The following OR9Q1 variants were observed in gnomAD, a reference collection of about 807,000 sequenced individuals.
OR9Q1 encodes olfactory receptor family 9 subfamily Q member 1.
For missense variants in OR9Q1, 374 were observed against 378.8 expected, an observed-to-expected ratio of 0.99 and a Z score of 0.11; for synonymous variants, 153 against 148.6, an observed-to-expected ratio of 1.03 and a Z score of -0.22.
intron 2 of OR9Q1, among the ~76,000 whole-genome samples, chr11:58,166,770 G>A (rs1854509271): frequency 6.6e-6 from 1 of 152,192 alleles, no homozygotes; most frequent in African/African-American, 2.4e-5. Context: ...GGAAAGAAAT[G>A]AAGTCGGAAC....
intron 1 of OR9Q1, among the ~76,000 whole-genome samples, chr11:58,029,843 CTT>C (rs58928895): frequency 1.2e-3 from 165 of 139,056 alleles, no homozygotes; most frequent in Middle Eastern, 3.8e-3. Flanking sequence ...CTGCCTCCTC[CTT>C]TTTTTTTTTT....
At chr11:58,165,953 AG>A (rs1365891605) in intron 2 of OR9Q1, among the ~76,000 whole-genome samples, 1 of 152,208 alleles carries the variant, frequency 6.6e-6, no homozygotes, top group African/African-American at 2.4e-5. Flanking sequence ...ACTGCTACCC[AG>A]GTTTCTCTAC....
At chr11:58,127,904 C>T (rs964184044) in intron 2 of OR9Q1, among the ~76,000 whole-genome samples, 3 of 152,144 alleles carry the variant, frequency 2.0e-5, no homozygotes, top group African/African-American at 7.2e-5. Context: ...ATTTCTGAAG[C>T]AAGTCTTGCC....
At chr11:58,138,701 TC>T (rs1354488494) in intron 2 of OR9Q1, among the ~76,000 whole-genome samples, 1 of 152,234 alleles carries the variant, frequency 6.6e-6, no homozygotes, top group Non-Finnish European at 1.5e-5. Context: ...TGTGATGCTT[TC>T]ATAAATGTGT....
At chr11:58,092,121 A>T (rs190497729) in intron 2 of OR9Q1, among the ~76,000 whole-genome samples, 10 of 152,192 alleles carry the variant, frequency 6.6e-5, no homozygotes, top group African/African-American at 2.4e-4. Flanking sequence ...GTGTCTCTTA[A>T]TTGGGGCATT....
At position 58,180,368 on chromosome 11, in the gene OR9Q1, G is replaced by A; in HGVS notation, c.924G>A (p.Lys308=). The stretch of plus-strand genomic sequence containing the variant: ...TGAGAAAAATTCTCAATAGAGCCAA[G>A]TTGTCCTAACCATCTCCAAACTTGG... ...EALRKILNRA[K]LS is the part of the protein sequence containing the mutation. The change falls in exon 3 of 3, where the codon AAG becomes AAA. Residue 308 remains lysine, a synonymous_variant. Transcript: ENST00000335397. 1.3e-6 allele frequency: 2 copies of A among 1,582,700 alleles called. No homozygotes were observed. The highest frequency in any genetic ancestry group is 8.6e-7 in the Non-Finnish European group (1 of 1,161,862).
intron 2 of OR9Q1, among the ~76,000 whole-genome samples, chr11:58,070,830 G>A (rs1853480741): frequency 6.6e-6 from 1 of 152,190 alleles, no homozygotes. Context: ...TGGACAGTAG[G>A]TTACTTTGTT....
intron 2 of OR9Q1, among the ~76,000 whole-genome samples, chr11:58,166,097 T>C (rs1051710020): frequency 1.1e-4 from 16 of 152,204 alleles, no homozygotes; most frequent in African/African-American, 3.4e-4. Flanking sequence ...TTTATTGCAA[T>C]AGATGGGATC....
chr11:58,141,625 G>A (rs868020788), intron 2 of OR9Q1, among the ~76,000 whole-genome samples: 5 of 152,082 alleles, frequency 3.3e-5, no homozygotes, highest in East Asian at 1.9e-4. Flanking sequence ...GTTTGCCAGT[G>A]TTTTATTGAG....
intron 2 of OR9Q1, among the ~76,000 whole-genome samples, chr11:58,089,272 G>A (rs1362522941): frequency 6.6e-6 from 1 of 151,746 alleles, no homozygotes; most frequent in African/African-American, 2.4e-5. Flanking sequence ...GGTTTTTATG[G>A]TTTTGGGTTT....
intron 2 of OR9Q1, among the ~76,000 whole-genome samples, chr11:58,175,249 C>G (rs1476668161): frequency 6.6e-6 from 1 of 151,626 alleles, no homozygotes. Context: ...AAAAGATTTT[C>G]TCAGTGGAGA....
Position 58,031,867 on chromosome 11 carries a change from G to T in OR9Q1, c.-93+7763G>T, listed in dbSNP as rs541487535. 213 of 1,613,562 alleles carry T rather than the reference G, an allele frequency of 1.3e-4. 1 individual carries two copies. Among genetic ancestry groups the T allele is most frequent in the South Asian group, 1.1e-3 (102 of 91,042 alleles). On this transcript the variant is annotated intron_variant, in intron 1 of 2. Coordinates refer to ENST00000335397, the MANE Select transcript of OR9Q1 (RefSeq NM_001005212.4). Reference sequence around the variant, plus strand: ...GGAACAAGGAAGTGAAGGGAGCTCTGGGTCGAGTCTTTTCTCTCAACTTTT... The same window carrying T: ...GGAACAAGGAAGTGAAGGGAGCTCTTGGTCGAGTCTTTTCTCTCAACTTTT...
chr11:58,025,446 C>T (rs1170652566), intron 1 of OR9Q1, among the ~76,000 whole-genome samples: 2 of 152,186 alleles, frequency 1.3e-5, no homozygotes, highest in African/African-American at 2.4e-5. Context: ...GTGATCCGCC[C>T]GCTCAGCCTC....
intron 2 of OR9Q1, among the ~76,000 whole-genome samples, chr11:58,082,736 TAAAGTATAA>T (rs1192733748): frequency 1.1e-5 from 1 of 94,860 alleles, no homozygotes; most frequent in Non-Finnish European, 2.3e-5. Context: ...CCCTAAAACT[TAAAGTATAA>T]TAATAATAAT....
chr11:58,131,022 G>A (rs1854136020), intron 2 of OR9Q1, among the ~76,000 whole-genome samples: 1 of 152,084 alleles, frequency 6.6e-6, no homozygotes, highest in African/African-American at 2.4e-5. Context: ...AAATTACTTT[G>A]GTGCGGTAGG....
intron 2 of OR9Q1, among the ~76,000 whole-genome samples, chr11:58,066,311 AG>A (rs956942778): frequency 4.6e-5 from 7 of 152,100 alleles, no homozygotes; most frequent in Non-Finnish European, 8.8e-5. Flanking sequence ...CTGGGGGTCC[AG>A]ATAGTGTCCA....
intron 2 of OR9Q1, among the ~76,000 whole-genome samples, chr11:58,167,792 A>T (rs2119940228): frequency 6.6e-6 from 1 of 152,302 alleles, no homozygotes; most frequent in East Asian, 1.9e-4. Context: ...TCCCATGGCA[A>T]TGGCAAAGGT....
intron 2 of OR9Q1, among the ~76,000 whole-genome samples, chr11:58,075,947 A>G (rs1210771616): frequency 1.3e-5 from 2 of 152,196 alleles, no homozygotes; most frequent in Non-Finnish European, 2.9e-5. Context: ...GGGATCAACA[A>G]TCTATGACTC....
intron 2 of OR9Q1, among the ~76,000 whole-genome samples, chr11:58,074,657 G>A (rs1233089245): frequency 2.0e-5 from 3 of 152,114 alleles, no homozygotes; most frequent in African/African-American, 7.2e-5. Flanking sequence ...TGCTTTCGGT[G>A]TTTTAGTTAT....
Sources: allele counts gnomAD v4.1 joint callset (sites outside exome capture counted in the v4.1 genomes callset), GRCh38; gene constraint gnomAD v4.1.1; transcripts MANE v1.5; gene names NCBI Gene and HGNC (gene_info 2026-07-23, HGNC 2026-07-21).